SUGP1: variants seen among roughly 807,000 people sequenced by gnomAD.
SUGP1 encodes the protein SURP and G-patch domain containing 1, also known as SURP and G-patch domain-containing protein 1.
SUGP1 carries 34 observed loss-of-function variants against 76.5 expected under a neutral mutation model. The ratio of observed to expected loss-of-function variants is 0.44; its 90% CI spans 0.34 to 0.59. The LOEUF (loss-of-function observed/expected upper bound fraction) is 0.59. SUGP1 is among the 20% of genes least tolerant of loss of function. SUGP1 has a pLI of 0.01. For missense variants in SUGP1, 752 were observed against 851.7 expected, an observed-to-expected ratio of 0.88 and a Z score of 1.46; for synonymous variants, 326 against 326.2, an observed-to-expected ratio of 1.00 and a Z score of 0.01.
rs2061073733 is a variant in SUGP1 at position 19,278,744 on chromosome 19, G to A, written c.1581C>T (p.Asp527=). ...KMGRGKHFIG[D]FLPPDELEKF... ...TTTCCAGCTCGTCTGGAGGCAGGAAGTCTCCGATGAAGTGCTTGCCCCGGC... is the reference window on the plus strand; with the variant it reads ...TTTCCAGCTCGTCTGGAGGCAGGAAATCTCCGATGAAGTGCTTGCCCCGGC... The change falls in exon 11 of 14, where the codon GAC becomes GAT. Residue 527 remains aspartate, a synonymous_variant. Coordinates refer to ENST00000247001, the MANE Select transcript of SUGP1 (RefSeq NM_172231.4). The A allele has an allele frequency of 1.9e-6, 3 of 1,614,110 alleles. No homozygotes were observed. The highest frequency in any genetic ancestry group is 2.5e-6 in the Non-Finnish European group (3 of 1,179,992).
Position 19,302,318 on chromosome 19 carries a change from A to G in SUGP1, c.834T>C (p.Gly278=), listed in dbSNP as rs777218450. 1 of 1,613,748 alleles carries G rather than the reference A, an allele frequency of 6.2e-7. No individual in the cohort carries two copies. Among genetic ancestry groups the G allele is most frequent in the South Asian group, 1.1e-5 (1 of 91,056 alleles). ...EKLARFIADG[G]PEVETIALQN... ...GGAGGGCAATGGTTTCCACCTCGGG[A>G]CCCCCGTCCGCTATGAACCTGGCCA... The change falls in exon 7 of 14, where the codon GGT becomes GGC. Residue 278 remains glycine (G), a synonymous_variant. Transcript: ENST00000247001.
At position 19,298,114 on chromosome 19, in the gene SUGP1, G is replaced by T. The variant is rs1252082291; in HGVS notation, c.888-770C>A. Among the ~76,000 whole-genome samples, 3 of 152,222 alleles carry T rather than the reference G, an allele frequency of 2.0e-5. No homozygotes were observed. The South Asian group carries it at 6.2e-4, about 31-fold the overall frequency. ...TACAGTGCTGAACAAGATGGGGCTG[G>T]ACCTGCACTTGTGAATCTGGAGGGA... On this transcript the variant is annotated intron_variant, in intron 7 of 13. Transcript: ENST00000247001.
intron 2 of SUGP1, among the ~76,000 whole-genome samples, 181 bp from the exon 3 acceptor site, chr19:19,310,381 G>A (rs2061345188): frequency 6.6e-6 from 1 of 152,204 alleles, no homozygotes; most frequent in African/African-American, 2.4e-5. Flanking sequence ...ACTGCGAAGT[G>A]CGCACAGCAG....
intron 8 of SUGP1, among the ~76,000 whole-genome samples, chr19:19,295,992 C>G (rs79272891): frequency 0.017 from 2,646 of 152,228 alleles, 91 homozygotes; most frequent in South Asian, 0.11. Flanking sequence ...CCAACCCAGA[C>G]GACGAGATAT....
rs774631996 is a variant in SUGP1 at position 19,280,254 on chromosome 19, C to A, written c.1281G>T (p.Lys427Asn). 1 of 1,614,042 alleles carries A rather than the reference C, an allele frequency of 6.2e-7. No individual in the cohort carries two copies. Among genetic ancestry groups the A allele is most frequent in the Non-Finnish European group, 8.5e-7 (1 of 1,179,998 alleles). Residue 427 changes from lysine (K) to asparagine (N), a missense_variant, in exon 9 of 14, where the codon AAG (lysine) becomes AAT (asparagine). Lys to Asn is a moderately conservative substitution (Grantham distance 94). Transcript: ENST00000247001. ...DLKGLGYEKG[K>N]PVGLVGVTEL... ...CTGTGACGCCCACTAGACCCACAGG[C>A]TTCCCCTTCTCATAGCCGAGCCCCT...
At chr19:19,278,653 G>T in intron 11 of SUGP1, 37 bp downstream of exon 11, 1 of 1,567,064 alleles carries the variant, frequency 6.4e-7, no homozygotes, top group Non-Finnish European at 8.7e-7. Flanking sequence ...GGGCTGGCAT[G>T]TGGCAGAGGC....
At chr19:19,280,041 A>G (rs1024582570) in intron 9 of SUGP1, 144 bp downstream of exon 9, 3 of 744,900 alleles carry the variant, frequency 4.0e-6, no homozygotes, top group Non-Finnish European at 6.4e-6. Context: ...CCTGCCTGGA[A>G]GCCTCCCCGC....
At chr19:19,296,944 A>T (rs1047612686) in intron 8 of SUGP1, 45 bp downstream of exon 8, 14 of 1,459,282 alleles carry the variant, frequency 9.6e-6, no homozygotes, top group South Asian at 2.7e-5. Flanking sequence ...TCAGTGAAAG[A>T]AGTCAGACCC....
intron 3 of SUGP1, among the ~76,000 whole-genome samples, chr19:19,306,882 C>A (rs979905259): frequency 6.6e-6 from 1 of 152,170 alleles, no homozygotes; most frequent in African/African-American, 2.4e-5. Flanking sequence ...TGCAGAAGCA[C>A]CCACAGCAAG....
chr19:19,310,931 C>T (rs1202544739), intron 2 of SUGP1, among the ~76,000 whole-genome samples: 3 of 152,178 alleles, frequency 2.0e-5, no homozygotes, highest in Non-Finnish European at 2.9e-5. Flanking sequence ...GTGTGAGCCA[C>T]CACACCTGAC....
At chr19:19,279,184 A>AC in intron 10 of SUGP1, 29 bp downstream of exon 10, 2 of 1,106,814 alleles carry the variant, frequency 1.8e-6, no homozygotes, top group Non-Finnish European at 2.6e-6. Context: ...TGCCCAGCCC[A>AC]GCCCGGCCCA....
chr19:19,300,511 A>G (rs985243611), intron 7 of SUGP1, among the ~76,000 whole-genome samples: 1 of 152,162 alleles, frequency 6.6e-6, no homozygotes, highest in East Asian at 1.9e-4. Flanking sequence ...GGGTGAGGGG[A>G]GGTCTGCCAA....
chr19:19,298,306 T>C (rs1273828463), intron 7 of SUGP1, among the ~76,000 whole-genome samples: 1 of 152,174 alleles, frequency 6.6e-6, no homozygotes, highest in African/African-American at 2.4e-5. Context: ...GAGACCAGCC[T>C]GGCCGACATG....
chr19:19,298,437 G>T (rs2061246269), intron 7 of SUGP1, among the ~76,000 whole-genome samples: 1 of 152,212 alleles, frequency 6.6e-6, no homozygotes, highest in Admixed American at 6.5e-5. Flanking sequence ...GGCGGAGGTT[G>T]CAGTGAGCCA....
intron 8 of SUGP1, among the ~76,000 whole-genome samples, chr19:19,282,830 A>C (rs564256318): frequency 4.6e-4 from 70 of 152,244 alleles, no homozygotes; most frequent in East Asian, 1.9e-3. Flanking sequence ...GTAATCCCAG[A>C]ACTTTGGGAG....
In SUGP1 at chr19:19,316,474, G is replaced by C. The variant is rs1228575528; in HGVS notation, c.154C>G (p.Gln52Glu). The change falls in exon 2 of 14, where the codon CAG (glutamine) becomes GAG (glutamate). Residue 52 changes from glutamine (Q) to glutamate (E), a missense_variant. This residue lies in a region of SUGP1 where 620 missense variants were observed against 617.3 expected (regional missense o/e 1.00). Transcript: ENST00000247001. ...KKREIEAKMEQKAKQNQVASP... is the reference protein window; with the variant it reads ...KKREIEAKMEEKAKQNQVASP... ...GCCACCTGATTCTGCTTGGCTTTCT[G>C]TTCCATTTTGGCTTCAATTTCCCGT... 1 of 1,613,864 alleles carries C rather than the reference G, an allele frequency of 6.2e-7. No individual in the cohort carries two copies. Among genetic ancestry groups the C allele is most frequent in the Non-Finnish European group, 8.5e-7 (1 of 1,180,008 alleles).
chr19:19,318,218 A>G (rs2061409842), intron 1 of SUGP1, among the ~76,000 whole-genome samples: 1 of 144,174 alleles, frequency 6.9e-6, no homozygotes. Flanking sequence ...CCAGAGTTCC[A>G]GCGATTCTCC....
chr19:19,310,322 C>A, intron 2 of SUGP1, 122 bp from the exon 3 acceptor site: 1 of 729,626 alleles, frequency 1.4e-6, no homozygotes. Context: ...CACCCCAGCA[C>A]TCTCACCTAC....
At chr19:19,305,350 C>G (rs746779245) in intron 4 of SUGP1, among the ~76,000 whole-genome samples, 2 of 152,206 alleles carry the variant, frequency 1.3e-5, no homozygotes, top group Non-Finnish European at 2.9e-5. Context: ...GCGGTCTGGA[C>G]AAGCTCACCC....
Sources: gnomAD v4.1 joint callset for allele counts (sites outside exome capture counted in the v4.1 genomes callset) on GRCh38, gnomAD v4.1.1 for gene constraint, gnomAD v4.1.1 regional missense constraint, MANE v1.5 for transcripts, NCBI Gene and HGNC (gene_info 2026-07-23, HGNC 2026-07-21) for gene names.